MARCHF5: variants seen among roughly 807,000 people sequenced by gnomAD.
MARCHF5 encodes E3 ubiquitin-protein ligase MARCHF5.
Under a neutral mutation model 36.5 loss-of-function variants are expected in MARCHF5, and 5 were observed. The ratio of observed to expected loss-of-function variants is 0.14; its 90% CI spans 0.07 to 0.29. The LOEUF is 0.29. Ranked by LOEUF, MARCHF5 falls within the 10% of genes least tolerant of loss-of-function variation. MARCHF5 has a pLI of 1.00. For missense variants in MARCHF5, 179 were observed against 336.3 expected, an observed-to-expected ratio of 0.53 and a Z score of 3.66; for synonymous variants, 103 against 109.9, an observed-to-expected ratio of 0.94 and a Z score of 0.39.
chr10:92,291,568 C>T (rs1168302189), intron 1 of MARCHF5, 39 bp downstream of exon 1: 6 of 1,514,496 alleles, frequency 4.0e-6, no homozygotes, highest in South Asian at 1.2e-5. Context: ...GCCGCCGACC[C>T]TCGCTCTGGC....
intron 1 of MARCHF5, 122 bp from the exon 2 acceptor site, chr10:92,311,013 A>G (rs1296687015): frequency 2.9e-6 from 2 of 688,954 alleles, no homozygotes; most frequent in Non-Finnish European, 4.9e-6. Flanking sequence ...TAGTCTTTTA[A>G]TATAGGACAG....
chr10:92,307,206 T>C (rs945544258), intron 1 of MARCHF5, among the ~76,000 whole-genome samples: 19 of 116,894 alleles, frequency 1.6e-4, no homozygotes, highest in Admixed American at 7.2e-4. Flanking sequence ...TGTGTGTGTG[T>C]GTGTGTGCGC....
intron 2 of MARCHF5, among the ~76,000 whole-genome samples, chr10:92,332,054 G>T (rs904414909): frequency 1.2e-3 from 172 of 148,538 alleles, no homozygotes; most frequent in Non-Finnish European, 1.8e-3. Context: ...TGGTTTGTTT[G>T]TGGGTCCTTT....
Position 92,309,071 on chromosome 10 carries a change from T to C in MARCHF5, c.36-2064T>C, listed in dbSNP as rs549904557. Among the ~76,000 whole-genome samples the C allele has an allele frequency of 2.0e-5, 3 of 152,294 alleles. No individual in the cohort carries two copies. In the East Asian group the frequency reaches 5.8e-4, roughly 29 times the overall value. On this transcript the variant is annotated intron_variant, in intron 1 of 5. Coordinates refer to ENST00000358935, the MANE Select transcript of MARCHF5 (RefSeq NM_017824.5). ...ACAAGTATTTAGGACTGAAATATACTGATGCCTGCAACTTTGAAATGCAGC... is the reference window on the plus strand; with the variant it reads ...ACAAGTATTTAGGACTGAAATATACCGATGCCTGCAACTTTGAAATGCAGC...
At chr10:92,324,370 A>C (rs968575192) in intron 2 of MARCHF5, among the ~76,000 whole-genome samples, 1 of 151,426 alleles carries the variant, frequency 6.6e-6, no homozygotes, top group Non-Finnish European at 1.5e-5. Flanking sequence ...CTATTTATTT[A>C]TCTATTTATG....
At chr10:92,334,176 C>A (rs551765680) in intron 2 of MARCHF5, among the ~76,000 whole-genome samples, 2 of 152,114 alleles carry the variant, frequency 1.3e-5, no homozygotes, top group African/African-American at 4.8e-5. Flanking sequence ...GGCTATAGAG[C>A]GAGACTCTGT....
At chr10:92,298,376 G>C (rs763464724) in intron 1 of MARCHF5, among the ~76,000 whole-genome samples, 1 of 152,052 alleles carries the variant, frequency 6.6e-6, no homozygotes, top group Non-Finnish European at 1.5e-5. Context: ...ACAACTCCCA[G>C]ATCTGTGTCT....
chr10:92,350,888 C>T lies in MARCHF5; in HGVS notation c.721-203C>T, dbSNP rs61217198. The stretch of plus-strand genomic sequence containing the variant: ...GGATAATGGAGAAGGCATCTGTGTC[C>T]CCTGTTACCTGTAGTAACAGCGTAT... On this transcript the variant is annotated intron_variant, in intron 5 of 5. Coordinates refer to ENST00000358935, the MANE Select transcript of MARCHF5 (RefSeq NM_017824.5). Among the ~76,000 whole-genome samples, 493 of 152,144 alleles carry T rather than the reference C, an allele frequency of 3.2e-3. 4 individuals are homozygous for T. Among genetic ancestry groups the T allele is most frequent in the African/African-American group, 0.011 (459 of 41,490 alleles).
intron 1 of MARCHF5, among the ~76,000 whole-genome samples, chr10:92,301,210 G>A (rs541776629): frequency 3.3e-5 from 5 of 152,156 alleles, no homozygotes; most frequent in East Asian, 1.9e-4. Flanking sequence ...TTTACATGCC[G>A]TAGTTCACAT....
chr10:92,301,100 T>C (rs1024489678), intron 1 of MARCHF5, among the ~76,000 whole-genome samples: 1 of 152,132 alleles, frequency 6.6e-6, no homozygotes, highest in Non-Finnish European at 1.5e-5. Context: ...TTGGCCAGGC[T>C]GGCCTTGAAC....
intron 1 of MARCHF5, among the ~76,000 whole-genome samples, chr10:92,298,370 C>G (rs1564941825): frequency 6.6e-6 from 1 of 152,190 alleles, no homozygotes; most frequent in African/African-American, 2.4e-5. Flanking sequence ...ATTCAAACAA[C>G]TCCCAGATCT....
chr10:92,350,296 C>T (rs1261189986), intron 5 of MARCHF5: 1 of 154,992 alleles, frequency 6.5e-6, no homozygotes, highest in Non-Finnish European at 1.4e-5. Context: ...TATTGTTACT[C>T]CCACTTCTCC....
At chr10:92,326,831 C>T (rs1466227820) in intron 2 of MARCHF5, among the ~76,000 whole-genome samples, 2 of 151,364 alleles carry the variant, frequency 1.3e-5, no homozygotes, top group Admixed American at 1.3e-4. Flanking sequence ...TATTTTTCCC[C>T]CAGGTAATGC....
chr10:92,337,374 C>T (rs1227782436), intron 2 of MARCHF5, among the ~76,000 whole-genome samples: 2 of 151,860 alleles, frequency 1.3e-5, no homozygotes, highest in African/African-American at 2.4e-5. Context: ...ATTAGCCGGG[C>T]GTGGTGGCAC....
rs111370008 is a variant in MARCHF5 at position 92,298,958 on chromosome 10, C to T, written c.35+7429C>T. On this transcript the variant is annotated intron_variant, in intron 1 of 5. Coordinates refer to ENST00000358935, the MANE Select transcript of MARCHF5 (RefSeq NM_017824.5). ...TAGCTAGGAGCACAGGGCAAGCCAG[C>T]ATGCCCAGCTAATTTTTTTTAAACT... Among the ~76,000 whole-genome samples, 559 of 152,104 alleles carry T rather than the reference C, an allele frequency of 3.7e-3. 4 individuals are homozygous for T. Among genetic ancestry groups the T allele is most frequent in the African/African-American group, 0.013 (525 of 41,488 alleles).
At chr10:92,350,127 C>A in intron 5 of MARCHF5, 1 of 291,384 alleles carries the variant, frequency 3.4e-6, no homozygotes, top group Non-Finnish European at 6.3e-6. Context: ...TACGATCAGA[C>A]CACCTGGTTC....
intron 2 of MARCHF5, among the ~76,000 whole-genome samples, chr10:92,324,260 T>G (rs1843327434): frequency 1.3e-5 from 2 of 152,258 alleles, no homozygotes; most frequent in Non-Finnish European, 2.9e-5. Context: ...CTTTGGATAT[T>G]TTGGATAAAA....
chr10:92,319,647 T>TTTTTTTG lies in MARCHF5; in HGVS notation c.238+8324_238+8330dup, dbSNP rs1303093487. Among the ~76,000 whole-genome samples the TTTTTTTG allele has an allele frequency of 1.8e-4, 18 of 98,298 alleles. No homozygotes were observed. In the East Asian group the frequency reaches 4.5e-3, roughly 25 times the overall value. 64.5% of individuals were successfully genotyped at this position (98,298 alleles called of 152,430 possible). ...AAAAATTTTGTGTGTTTGTTTTTTG[T>TTTTTTTG]TTTTTTGTTTTTTGTTTTTTTTTCT... On this transcript the variant is annotated intron_variant, in intron 2 of 5. Coordinates refer to ENST00000358935, the MANE Select transcript of MARCHF5 (RefSeq NM_017824.5).
intron 1 of MARCHF5, among the ~76,000 whole-genome samples, chr10:92,303,486 T>G (rs1432965899): frequency 6.6e-6 from 1 of 152,190 alleles, no homozygotes; most frequent in Non-Finnish European, 1.5e-5. Context: ...GTATTAAGGT[T>G]TCTAACAACT....
Sources: gnomAD v4.1 joint callset for allele counts (sites outside exome capture counted in the v4.1 genomes callset) on GRCh38, gnomAD v4.1.1 for gene constraint, MANE v1.5 for transcripts, NCBI Gene and HGNC (gene_info 2026-07-23, HGNC 2026-07-21) for gene names.